The following SBF1 variants were observed in gnomAD, a reference collection of about 807,000 sequenced individuals.
SBF1 encodes the protein SET binding factor 1, also known as myotubularin-related protein 5.
A neutral mutation model predicts 215.8 loss-of-function variants in SBF1; 65 were observed. That is an observed-to-expected ratio of 0.30 (90% CI 0.25 to 0.37). SBF1 has a LOEUF of 0.37. SBF1 is among the 10% of genes least tolerant of loss of function. The probability of loss-of-function intolerance (pLI) is 1.00; values close to 1 mark genes in which losing one functional copy is unlikely to be tolerated. For synonymous variants in SBF1, 1,410 were observed against 1,122.8 expected (o/e 1.26, Z -5.11); for missense variants, 2,634 against 2,667.8 (o/e 0.99, Z 0.28).
At chr22:50,447,719 A>G (rs974727653) in intron 38 of SBF1, 110 bp from the exon 39 acceptor site, 1 of 770,236 alleles carries the variant, frequency 1.3e-6, no homozygotes. Context: ...AAGACCAGGC[A>G]CCCTGTCCCC....
intron 6 of SBF1, 23 bp downstream of exon 6, chr22:50,466,582 G>A (rs540019344): frequency 2.6e-5 from 40 of 1,539,694 alleles, no homozygotes; most frequent in South Asian, 1.1e-4. Context: ...GAAGCCATGC[G>A]GGGGTGGGAC....
chr22:50,465,071 T>A lies in SBF1; in HGVS notation c.1262A>T (p.Glu421Val). The A allele has an allele frequency of 4.3e-6, 7 of 1,614,050 alleles. No individual in the cohort carries two copies. Among genetic ancestry groups the A allele is most frequent in the Non-Finnish European group, 5.9e-6 (7 of 1,179,990 alleles). The change falls in exon 12 of 41, where the codon GAG (glutamate) becomes GTG (valine). Residue 421 changes from glutamate (E) to valine (V), a missense_variant. Glu to Val is a moderately radical substitution (Grantham distance 121, BLOSUM62 -2). Transcript: ENST00000380817. ...VEDDFLMKVL[E>V]GMAFAGFVSE... is the part of the protein sequence containing the mutation. ...CACAAAGCCAGCAAAGGCCATGCCC[T>A]CCAGCACCTTCATCAGGAAATCGTC...
chr22:50,463,214 C>T, intron 16 of SBF1, 69 bp downstream of exon 16: 2 of 1,585,912 alleles, frequency 1.3e-6, no homozygotes, highest in Admixed American at 3.4e-5. Context: ...CACTCACAGA[C>T]CAGGGTCTGC....
intron 1 of SBF1, among the ~76,000 whole-genome samples, 193 bp downstream of exon 1, chr22:50,474,564 GCCCCCGGCCCCGGCCCTCAGTCCTCGGCT>G: frequency 6.6e-6 from 1 of 151,706 alleles, no homozygotes; most frequent in African/African-American, 2.4e-5. Context: ...TCCCCGCCCG[GCCCCCGGCCCCGGCCCTCAGTCCTCGGCT>G]CCCCCGACCC....
In SBF1 at chr22:50,464,326, C is replaced by T; in HGVS notation, c.1749+3G>A. 6.2e-7 allele frequency: 1 copy of T among 1,612,036 alleles called. No homozygotes were observed. The highest frequency in any genetic ancestry group is 8.5e-7 in the Non-Finnish European group (1 of 1,178,618). On this transcript the variant is annotated splice_donor_region_variant and intron_variant, in intron 15 of 40. Coordinates refer to ENST00000380817, the MANE Select transcript of SBF1 (RefSeq NM_002972.4). Reference sequence around the variant, plus strand: ...GCCCGGCTGGAGCCTGCACAGCCCTCACCTTCTTGGCCTCAAGCATTTTCC... The same window carrying T: ...GCCCGGCTGGAGCCTGCACAGCCCTTACCTTCTTGGCCTCAAGCATTTTCC...
At chr22:50,474,555 C>T (rs1290779653) in intron 1 of SBF1, among the ~76,000 whole-genome samples, 1 of 152,084 alleles carries the variant, frequency 6.6e-6, no homozygotes, top group African/African-American at 2.4e-5. Context: ...GGCCTTCAGT[C>T]CCCGCCCGGC....
intron 38 of SBF1, among the ~76,000 whole-genome samples, chr22:50,447,887 T>C (rs1254202026): frequency 6.6e-6 from 1 of 152,112 alleles, no homozygotes; most frequent in Non-Finnish European, 1.5e-5. Context: ...AGCCTCAGGG[T>C]CTTGGGAAAG....
At chr22:50,465,169 C>A in intron 11 of SBF1, 40 bp from the exon 12 acceptor site, 6 of 1,613,766 alleles carry the variant, frequency 3.7e-6, no homozygotes, top group Non-Finnish European at 4.2e-6. Context: ...GGGGTCTCCA[C>A]CATGCGCTTA....
chr22:50,463,809 T>C (rs2067625524), intron 15 of SBF1, among the ~76,000 whole-genome samples: 1 of 152,116 alleles, frequency 6.6e-6, no homozygotes, highest in African/African-American at 2.4e-5. Context: ...GCTACAACGT[T>C]CATCACAAAA....
At chr22:50,456,929 G>T in intron 29 of SBF1, 105 bp downstream of exon 29, 2 of 987,340 alleles carry the variant, frequency 2.0e-6, no homozygotes, top group Non-Finnish European at 2.8e-6. Flanking sequence ...GGTCGTTAGT[G>T]TCAGGTGTGG....
intron 2 of SBF1, 99 bp downstream of exon 2, chr22:50,468,277 C>A: frequency 1.7e-6 from 2 of 1,164,048 alleles, no homozygotes; most frequent in Middle Eastern, 2.4e-4. Flanking sequence ...CAGCGGGGGG[C>A]CGGGCACTGT....
chr22:50,474,287 C>T (rs563024971), intron 1 of SBF1, among the ~76,000 whole-genome samples: 1 of 152,380 alleles, frequency 6.6e-6, no homozygotes, highest in Non-Finnish European at 1.5e-5. Flanking sequence ...ACTCCACCCC[C>T]TCTTTGCACC....
chr22:50,468,293 C>T (rs928072146), intron 2 of SBF1, 83 bp downstream of exon 2: 2 of 1,310,808 alleles, frequency 1.5e-6, no homozygotes, highest in Non-Finnish European at 2.2e-6. Flanking sequence ...ACTGTGGAGG[C>T]CCCTCAGTCA....
In SBF1 at chr22:50,454,570, C is replaced by T; in HGVS notation, c.4985G>A (p.Trp1662Ter). 1 of 1,611,872 alleles carries T rather than the reference C, an allele frequency of 6.2e-7. No individual in the cohort carries two copies. The change falls in exon 36 of 41, where the codon TGG becomes TAG. Residue 1662 changes from tryptophan to a stop codon, truncating the protein, a stop_gained. Coordinates refer to ENST00000380817, the MANE Select transcript of SBF1 (RefSeq NM_002972.4). LOFTEE classifies it high-confidence loss of function. The stretch of plus-strand genomic sequence containing the variant: ...CCGCGGGCAGCTGTCGTAACAGGGC[C>T]ACACCACGCGGCGCCTGCTCTGGGG... Reference protein sequence around the residue: ...GAPQSRRRVVWPCYDSCPRAQ... With the variant: ...GAPQSRRRVV
rs1274737229 is a variant in SBF1, at chr22:50,459,324, G to A, written c.3757C>T (p.Pro1253Ser). Residue 1253 changes from proline to serine, a missense_variant, in exon 28 of 41, where the codon CCC becomes TCC. Pro to Ser is a moderately conservative substitution (Grantham distance 74, BLOSUM62 -1). Coordinates refer to ENST00000380817, the MANE Select transcript of SBF1 (RefSeq NM_002972.4). ...CGTCCCGACGCGTCGGCGTAGCGGGGCATGGAGCTGACCACAGCCTGCAGG... is the reference window on the plus strand; with the variant it reads ...CGTCCCGACGCGTCGGCGTAGCGGGACATGGAGCTGACCACAGCCTGCAGG... ...KYLQAVVSSM[P>S]RYADASGRNT... 9 of 1,612,816 alleles carry A rather than the reference G, an allele frequency of 5.6e-6. No homozygotes were observed. The highest frequency in any genetic ancestry group is 3.3e-5 in the South Asian group (3 of 91,054).
chr22:50,448,508 G>A (rs371049216), intron 37 of SBF1, 35 bp downstream of exon 37: 93 of 1,607,352 alleles, frequency 5.8e-5, no homozygotes, highest in African/African-American at 3.3e-4. Context: ...CCAGCAACAC[G>A]CCCACCGTGG....
At chr22:50,474,439 C>T (rs1416611386) in intron 1 of SBF1, among the ~76,000 whole-genome samples, 1 of 152,218 alleles carries the variant, frequency 6.6e-6, no homozygotes, top group African/African-American at 2.4e-5. Flanking sequence ...CCCAAGGAGG[C>T]CGGGCAGGCC....
chr22:50,450,425 G>A (rs1007962345), intron 36 of SBF1, among the ~76,000 whole-genome samples: 6 of 152,038 alleles, frequency 3.9e-5, no homozygotes, highest in African/African-American at 9.7e-5. Context: ...GGAGGCTGAG[G>A]CAGGAGAATT....
In SBF1 at chr22:50,446,821, CT is replaced by C. The variant is rs1489364448; in HGVS notation, c.*320del. The C allele has an allele frequency of 5.9e-6, 4 of 678,540 alleles. No homozygotes were observed. Among genetic ancestry groups the C allele is most frequent in the Non-Finnish European group, 1.1e-5 (4 of 363,880 alleles). 42.0% of individuals were successfully genotyped at this position (678,540 alleles called of 1,614,324 possible). On this transcript the variant is annotated 3_prime_UTR_variant, in exon 41 of 41. Coordinates refer to ENST00000380817, the MANE Select transcript of SBF1 (RefSeq NM_002972.4). ...CACAGGAGCGTGGCGTTAGTTCTCT[CT>C]TTATATAGACTCTGGTTCTAGAAAC... is the stretch of plus-strand genomic sequence containing the variant.
Sources: gnomAD v4.1 joint callset for allele counts (sites outside exome capture counted in the v4.1 genomes callset) on GRCh38, gnomAD v4.1.1 for gene constraint, MANE v1.5 for transcripts, NCBI Gene and HGNC (gene_info 2026-07-23, HGNC 2026-07-21) for gene names.